Variants in NFIA observed in about 807,000 individuals in gnomAD.
NFIA encodes the protein nuclear factor 1 A-type.
NFIA carries 8 observed loss-of-function variants against 62.8 expected under a neutral mutation model. That is an observed-to-expected ratio of 0.13 (90% confidence interval 0.07 to 0.23). NFIA has a LOEUF of 0.23. Among genes scored for constraint, NFIA ranks in the 10% least tolerant of loss-of-function variants. NFIA has a pLI of 1.00. For missense variants in NFIA, 410 were observed against 642.1 expected (o/e 0.64, Z 3.91); for synonymous variants, 235 against 238.1 (o/e 0.99, Z 0.12).
Position 61,439,114 on chromosome 1 carries a change from T to C in NFIA, c.1512+12558T>C, listed in dbSNP as rs140329482. Among the ~76,000 whole-genome samples the C allele has an allele frequency of 2.7e-4, 41 of 152,086 alleles. No homozygotes were observed. The East Asian group carries it at 6.0e-3, about 22-fold the overall frequency. The stretch of plus-strand genomic sequence containing the variant: ...ATTACCTATCTAGAGTAAGGCTGGC[T>C]GGCCTTTACTTCCTTCCCTTTGCCC... On this transcript the variant is annotated intron_variant, in intron 10 of 10. Transcript: ENST00000403491.
intron 4 of NFIA, among the ~76,000 whole-genome samples, chr1:61,347,903 T>C (rs961793768): frequency 6.6e-6 from 1 of 152,242 alleles, no homozygotes; most frequent in Non-Finnish European, 1.5e-5. Flanking sequence ...TCTCTTTTTG[T>C]CTTTTTGTAA....
intron 3 of NFIA, among the ~76,000 whole-genome samples, chr1:61,288,916 C>T (rs1333216213): frequency 2.0e-5 from 3 of 152,130 alleles, no homozygotes; most frequent in African/African-American, 4.8e-5. Context: ...TATAGGCACA[C>T]GCCACCAAGC....
intron 3 of NFIA, among the ~76,000 whole-genome samples, chr1:61,282,317 A>T (rs964400399): frequency 2.0e-5 from 3 of 152,180 alleles, no homozygotes; most frequent in African/African-American, 4.8e-5. Flanking sequence ...ATCCTTTGTT[A>T]TATCACTGAA....
At chr1:61,224,782 C>G (rs1459521867) in intron 2 of NFIA, among the ~76,000 whole-genome samples, 1 of 152,154 alleles carries the variant, frequency 6.6e-6, no homozygotes, top group African/African-American at 2.4e-5. Flanking sequence ...CCTTGGAAGA[C>G]AGAGTTGCCT....
intron 2 of NFIA, among the ~76,000 whole-genome samples, chr1:61,108,299 A>G (rs1646639073): frequency 2.0e-5 from 3 of 151,550 alleles, no homozygotes. Flanking sequence ...TTTAGATCTT[A>G]TTCTTGGTTA....
intron 9 of NFIA, among the ~76,000 whole-genome samples, chr1:61,413,044 AT>A (rs1322659146): frequency 3.9e-5 from 6 of 152,134 alleles, no homozygotes; most frequent in Admixed American, 2.0e-4. Context: ...AAACATGCAT[AT>A]TTTTTTAATT....
intron 3 of NFIA, among the ~76,000 whole-genome samples, chr1:61,308,072 T>C (rs921989215): frequency 1.3e-5 from 2 of 152,224 alleles, no homozygotes; most frequent in African/African-American, 4.8e-5. Flanking sequence ...TATCCCCTTC[T>C]GTAGCTGAAC....
intron 9 of NFIA, among the ~76,000 whole-genome samples, chr1:61,410,107 A>T (rs552418643): frequency 1.3e-5 from 2 of 152,272 alleles, no homozygotes; most frequent in East Asian, 3.9e-4. Context: ...CTATTGAGGG[A>T]AAGGTAAACA....
At chr1:61,380,308 A>G (rs575491848) in intron 6 of NFIA, among the ~76,000 whole-genome samples, 2 of 152,312 alleles carry the variant, frequency 1.3e-5, no homozygotes, top group East Asian at 3.9e-4. Context: ...AAAGAGTAGG[A>G]TTACTTCATC....
intron 3 of NFIA, among the ~76,000 whole-genome samples, chr1:61,288,013 C>T (rs1251646388): frequency 6.6e-6 from 1 of 152,154 alleles, no homozygotes; most frequent in Non-Finnish European, 1.5e-5. Context: ...CTGCTGGTAC[C>T]TAGCCCAGTA....
intron 3 of NFIA, among the ~76,000 whole-genome samples, chr1:61,278,909 C>T (rs1399560947): frequency 3.3e-5 from 5 of 152,104 alleles, no homozygotes; most frequent in Admixed American, 6.5e-5. Context: ...ATTTATTCCT[C>T]TAAAACAGGG....
At chr1:61,163,959 T>G (rs994496282) in intron 2 of NFIA, among the ~76,000 whole-genome samples, 2 of 152,232 alleles carry the variant, frequency 1.3e-5, no homozygotes, top group Non-Finnish European at 2.9e-5. Context: ...TCAGTTCTTT[T>G]AATTTTTTCC....
At chr1:61,419,759 A>G (rs1267890889) in intron 9 of NFIA, among the ~76,000 whole-genome samples, 1 of 152,200 alleles carries the variant, frequency 6.6e-6, no homozygotes, top group Non-Finnish European at 1.5e-5. Context: ...ATGCCATGCA[A>G]ATAGTTAGCA....
intron 6 of NFIA, among the ~76,000 whole-genome samples, chr1:61,377,739 T>G (rs1664220034): frequency 6.6e-6 from 1 of 152,184 alleles, no homozygotes; most frequent in Non-Finnish European, 1.5e-5. Context: ...CAACTTGAAT[T>G]ACATCTCCCA....
chr1:61,230,960 C>T (rs999782540), intron 2 of NFIA, among the ~76,000 whole-genome samples: 8 of 152,174 alleles, frequency 5.3e-5, no homozygotes, highest in African/African-American at 1.9e-4. Flanking sequence ...AAAACCATTC[C>T]ACACACTTTC....
At chr1:61,311,306 G>A (rs932149207) in intron 3 of NFIA, among the ~76,000 whole-genome samples, 3 of 152,190 alleles carry the variant, frequency 2.0e-5, no homozygotes, top group Middle Eastern at 3.4e-3. Context: ...CAGGAGAATC[G>A]CTTGAACCCG....
chr1:61,114,313 C>A (rs1646759840), intron 2 of NFIA, among the ~76,000 whole-genome samples: 1 of 151,920 alleles, frequency 6.6e-6, no homozygotes, highest in East Asian at 1.9e-4. Flanking sequence ...TAGCAAGACC[C>A]CATCTTAAAA....
At chr1:61,300,173 TC>T (rs1167776460) in intron 3 of NFIA, among the ~76,000 whole-genome samples, 5 of 152,134 alleles carry the variant, frequency 3.3e-5, no homozygotes, top group Non-Finnish European at 7.4e-5. Context: ...AAGATACAAT[TC>T]ATCTCTGGAT....
chr1:61,435,618 C>A (rs1435479835), intron 10 of NFIA, among the ~76,000 whole-genome samples: 1 of 152,134 alleles, frequency 6.6e-6, no homozygotes, highest in African/African-American at 2.4e-5. Context: ...ACCCTGCTAG[C>A]AAATTTCTTT....
Sources: gnomAD v4.1 joint callset for allele counts (sites outside exome capture counted in the v4.1 genomes callset) on GRCh38, gnomAD v4.1.1 for gene constraint, MANE v1.5 for transcripts, NCBI Gene and HGNC (gene_info 2026-07-23, HGNC 2026-07-21) for gene names.